CSMD1: variants seen among roughly 807,000 people sequenced by gnomAD.
CSMD1 encodes CUB and sushi domain-containing protein 1.
A neutral mutation model predicts 417.5 loss-of-function variants in CSMD1; 213 were observed. The ratio of observed to expected loss-of-function variants is 0.51; its 90% confidence interval spans 0.46 to 0.57. CSMD1 has a LOEUF of 0.57. CSMD1 is among the 20% of genes least tolerant of loss of function. The probability of loss-of-function intolerance (pLI) is 0.00; values close to 1 mark genes in which losing one functional copy is unlikely to be tolerated. For synonymous variants in CSMD1, 2,862 were observed against 1,736.8 expected (o/e 1.65, Z -16.11); for missense variants, 6,923 against 4,529.7 (o/e 1.53, Z -15.17).
rs372594683 is a variant in CSMD1 at position 3,538,533 on chromosome 8, C to T, written c.1344+36412G>A. Reference sequence around the variant, plus strand: ...CTGAGATGCCCCACCTGCGATGCCTCGCCTGCGATGCCGCACTTGAGCTGG... The same window carrying T: ...CTGAGATGCCCCACCTGCGATGCCTTGCCTGCGATGCCGCACTTGAGCTGG... On this transcript the variant is annotated intron_variant, in intron 10 of 69. Coordinates refer to ENST00000635120, the MANE Select transcript of CSMD1 (RefSeq NM_033225.6). 4.0e-5 allele frequency among the ~76,000 whole-genome samples: 6 copies of T among 151,830 alleles called. No homozygotes were observed. The South Asian group carries it at 1.2e-3, about 31-fold the overall frequency.
chr8:4,459,408 G>T (rs967834967), intron 2 of CSMD1, among the ~76,000 whole-genome samples: 3 of 152,214 alleles, frequency 2.0e-5, no homozygotes, highest in African/African-American at 4.8e-5. Context: ...GAAGCTGAGA[G>T]TGTCTCTGCC....
rs1410485760 is a variant in CSMD1 at position 4,407,146 on chromosome 8, C to G, written c.415+12807G>C. 5.9e-5 allele frequency among the ~76,000 whole-genome samples: 9 copies of G among 152,244 alleles called. No individual in the cohort carries two copies. In the East Asian group the frequency reaches 1.2e-3, roughly 20 times the overall value. ...CACAGACACCAGATGAGCTGCAAAG[C>G]CAAAAGAGTAACTCTGGCCCTTTAC... On this transcript the variant is annotated intron_variant, in intron 3 of 69. Transcript: ENST00000635120.
Position 3,307,609 on chromosome 8 carries a change from G to T in CSMD1, c.3950+86C>A. On this transcript the variant is annotated intron_variant, in intron 25 of 69. Transcript: ENST00000635120. ...CTTTAGTTCAGAAACTTTAACCATG[G>T]ATATTTGGTGTACCACTATCTCTGC... 5.7e-6 allele frequency: 8 copies of T among 1,394,810 alleles called. 1 individual carries two copies. In the South Asian group the frequency reaches 8.2e-5, roughly 14 times the overall value. The allele number at this position is 1,394,810 out of a possible 1,614,324, so 86.4% of individuals were successfully genotyped here. A position where few individuals can be genotyped will look rare whatever the true frequency, so the allele number is the denominator to read the frequency against.
chr8:3,237,367 TGAGGCAGGAGACTCAGGAGGTG>T (rs1313204358), intron 26 of CSMD1, among the ~76,000 whole-genome samples: 33 of 151,732 alleles, frequency 2.2e-4, no homozygotes, highest in Middle Eastern at 3.4e-3. Context: ...CTCGGGAGGC[TGAGGCAGGAGACTCAGGAGGTG>T]GAGGTTACAG....
intron 3 of CSMD1, among the ~76,000 whole-genome samples, chr8:4,148,699 A>G (rs939444049): frequency 6.6e-6 from 1 of 152,058 alleles, no homozygotes; most frequent in Non-Finnish European, 1.5e-5. Context: ...AAGGGCACTC[A>G]GCCCACAGCG....
chr8:3,806,968 G>T (rs1032913987), intron 5 of CSMD1, among the ~76,000 whole-genome samples: 1 of 152,084 alleles, frequency 6.6e-6, no homozygotes, highest in African/African-American at 2.4e-5. Flanking sequence ...TTAATCTGAT[G>T]ATTTATTCTA....
At chr8:3,384,152 G>C (rs561928855) in intron 18 of CSMD1, among the ~76,000 whole-genome samples, 13 of 152,106 alleles carry the variant, frequency 8.5e-5, no homozygotes, top group African/African-American at 2.4e-4. Context: ...TCTGGGAAAT[G>C]CATTGAGCTA....
chr8:3,610,842 A>G (rs932609828), intron 8 of CSMD1, among the ~76,000 whole-genome samples: 6 of 152,048 alleles, frequency 3.9e-5, no homozygotes, highest in Non-Finnish European at 7.4e-5. Context: ...TCATTTTACA[A>G]TACTCTAAGG....
At chr8:4,858,110 A>C (rs1801911900) in intron 1 of CSMD1, among the ~76,000 whole-genome samples, 1 of 151,840 alleles carries the variant, frequency 6.6e-6, no homozygotes, top group African/African-American at 2.4e-5. Context: ...CTGGTTCAAT[A>C]TACGCAAATC....
intron 15 of CSMD1, among the ~76,000 whole-genome samples, chr8:3,403,331 T>G (rs2116885461): frequency 6.6e-6 from 1 of 152,360 alleles, no homozygotes; most frequent in African/African-American, 2.4e-5. Context: ...ATGCATTTAC[T>G]TCTGAAAGTT....
At chr8:4,023,062 T>C (rs1283412552) in intron 4 of CSMD1, among the ~76,000 whole-genome samples, 2 of 152,200 alleles carry the variant, frequency 1.3e-5, no homozygotes, top group African/African-American at 2.4e-5. Flanking sequence ...CCTGGCTCTC[T>C]TTGCAGTGAA....
intron 6 of CSMD1, among the ~76,000 whole-genome samples, chr8:3,745,855 C>T (rs934464815): frequency 6.6e-6 from 1 of 152,200 alleles, no homozygotes; most frequent in Non-Finnish European, 1.5e-5. Flanking sequence ...TCTGTGGTTT[C>T]CCCACATTAT....
At chr8:4,009,641 C>T (rs904701134) in intron 4 of CSMD1, among the ~76,000 whole-genome samples, 1 of 152,058 alleles carries the variant, frequency 6.6e-6, no homozygotes, top group Non-Finnish European at 1.5e-5. Flanking sequence ...AAGAAATACA[C>T]CCACATATGT....
intron 23 of CSMD1, among the ~76,000 whole-genome samples, chr8:3,325,986 T>G: frequency 6.6e-6 from 1 of 152,090 alleles, no homozygotes; most frequent in Admixed American, 6.5e-5. Flanking sequence ...TTCAAATCAA[T>G]GGAAAAGCTG....
intron 22 of CSMD1, among the ~76,000 whole-genome samples, chr8:3,345,868 A>G (rs1025224090): frequency 6.6e-6 from 1 of 152,176 alleles, no homozygotes; most frequent in African/African-American, 2.4e-5. Flanking sequence ...ATTTATTTCC[A>G]AAATTAATTG....
Position 4,138,509 on chromosome 8 carries a change from T to C in CSMD1, c.416-106410A>G, listed in dbSNP as rs76473689. ...TTCCATCCACTAAAAATGTACAAAA[T>C]CTCAGGAGACATATTTTGAGGAAAG... On this transcript the variant is annotated intron_variant, in intron 3 of 69. Transcript: ENST00000635120. Among the ~76,000 whole-genome samples, 1,459 of 152,094 alleles carry C rather than the reference T, an allele frequency of 9.6e-3. 17 individuals are homozygous for C. The highest frequency in any genetic ancestry group is 0.034 in the African/African-American group (1,417 of 41,498).
intron 3 of CSMD1, among the ~76,000 whole-genome samples, chr8:4,300,997 T>C (rs1279590507): frequency 6.6e-6 from 1 of 152,140 alleles, no homozygotes; most frequent in East Asian, 1.9e-4. Flanking sequence ...TAAACATAAG[T>C]GTGCATGTGT....
intron 23 of CSMD1, among the ~76,000 whole-genome samples, chr8:3,324,219 C>A (rs1017440316): frequency 8.5e-6 from 1 of 117,022 alleles, no homozygotes. Flanking sequence ...ACACACCCAA[C>A]CCCAGAGACC....
chr8:4,611,612 T>C (rs7843182), intron 2 of CSMD1, among the ~76,000 whole-genome samples: 24,493 of 152,176 alleles, frequency 0.16, 2,325 homozygotes, highest in African/African-American at 0.26. Flanking sequence ...ACTCTCTTTC[T>C]CTTTAACCTC....
Sources: gnomAD v4.1 joint callset for allele counts (sites outside exome capture counted in the v4.1 genomes callset) on GRCh38, gnomAD v4.1.1 for gene constraint, MANE v1.5 for transcripts, NCBI Gene and HGNC (gene_info 2026-07-23, HGNC 2026-07-21) for gene names.